COL9A3: variants seen among roughly 807,000 people sequenced by gnomAD.
The protein encoded by COL9A3 is collagen type IX alpha 3 chain, also known as collagen alpha-3(IX) chain.
A neutral mutation model predicts 110.2 loss-of-function variants in COL9A3; 82 were observed. The ratio of observed to expected loss-of-function variants is 0.74; its 90% CI spans 0.62 to 0.89. The LOEUF (loss-of-function observed/expected upper bound fraction) is 0.89, where lower values mean the gene tolerates loss of function less well. Ranked by LOEUF, COL9A3 falls within the 40% of genes least tolerant of loss-of-function variation. The pLI, the probability that COL9A3 is intolerant of heterozygous loss-of-function variation, is 0.00. For synonymous variants in COL9A3, 494 were observed against 403.8 expected (o/e 1.22, Z -2.68); for missense variants, 1,066 against 981.3 (o/e 1.09, Z -1.15).
rs1365279093 is a variant in COL9A3 at position 62,837,119 on chromosome 20, C to T, written c.1640C>T (p.Pro547Leu). The change falls in exon 30 of 32, where the codon CCT becomes CTT. Residue 547 changes from proline to leucine, a missense_variant. Coordinates refer to ENST00000649368, the MANE Select transcript of COL9A3 (RefSeq NM_001853.4). ...CAGTTAGCCGCGCACCTAAGGAAGC[C>T]TTTGGCACCCGGGTCCATTGGTCGG... is the stretch of plus-strand genomic sequence containing the variant. ...IAQLAAHLRK[P>L]LAPGSIGRPG... 1 of 1,613,540 alleles carries T rather than the reference C, an allele frequency of 6.2e-7. No homozygotes were observed. Among genetic ancestry groups the T allele is most frequent in the Non-Finnish European group, 8.5e-7 (1 of 1,180,020 alleles).
At chr20:62,823,955 C>T (rs1364160817) in intron 10 of COL9A3, among the ~76,000 whole-genome samples, 3 of 152,260 alleles carry the variant, frequency 2.0e-5, no homozygotes. Flanking sequence ...TGTCCCAGTG[C>T]CATCACCTGT....
intron 12 of COL9A3, chr20:62,825,559 G>A (rs2063545727): frequency 6.9e-6 from 4 of 580,666 alleles, no homozygotes; most frequent in East Asian, 2.9e-5. Context: ...GCTTGGCCAC[G>A]AGGAGGGGCC....
rs549757523 is a variant in COL9A3, at chr20:62,840,886, C to T, written c.*154C>T. On this transcript the variant is annotated 3_prime_UTR_variant, in exon 32 of 32. Transcript: ENST00000649368. The stretch of plus-strand genomic sequence containing the variant: ...TGGACGCGCGGGCCTTGCCAGCGAG[C>T]ACCCTCATCGGGCTGTCGCCTGACA... The T allele has an allele frequency of 3.3e-4, 259 of 791,402 alleles. No homozygotes were observed. The East Asian group carries it at 5.1e-3, about 16-fold the overall frequency. 49.0% of individuals were successfully genotyped at this position (791,402 alleles called of 1,614,324 possible).
Position 62,836,982 on chromosome 20 carries a change from G to C in COL9A3, c.1604-101G>C, listed in dbSNP as rs149241114. On this transcript the variant is annotated intron_variant, in intron 29 of 31. Coordinates refer to ENST00000649368, the MANE Select transcript of COL9A3 (RefSeq NM_001853.4). ...TTTCCATCAATCAGAAGGAAAACTT[G>C]CTTCTGGAAGACAGCACCGTGTAGA... The C allele has an allele frequency of 1.6e-3, 2,350 of 1,447,810 alleles. 27 individuals are homozygous for C. In the African/African-American group the frequency reaches 0.029, roughly 18 times the overall value. The allele number at this position is 1,447,810 out of a possible 1,614,324, so 89.7% of individuals were successfully genotyped here. A position where few individuals can be genotyped will look rare whatever the true frequency, so the allele number is the denominator to read the frequency against.
intron 11 of COL9A3, among the ~76,000 whole-genome samples, 153 bp from the exon 12 acceptor site, chr20:62,824,815 C>T (rs1028298348): frequency 6.6e-6 from 1 of 152,146 alleles, no homozygotes; most frequent in Non-Finnish European, 1.5e-5. Context: ...CCTCTCAGGC[C>T]TCAGTTTCCC....
chr20:62,840,966 G>C lies in COL9A3; in HGVS notation c.*234G>C, dbSNP rs953714097. On this transcript the variant is annotated 3_prime_UTR_variant, in exon 32 of 32. Coordinates refer to ENST00000649368, the MANE Select transcript of COL9A3 (RefSeq NM_001853.4). ...CCTGTAAGCCCAGCATTTGAGAGAA[G>C]GTAGGGTGTGTATATATAAAAGGTT... 2 of 556,522 alleles carry C rather than the reference G, an allele frequency of 3.6e-6. No homozygotes were observed. The highest frequency in any genetic ancestry group is 6.5e-6 in the Non-Finnish European group (2 of 307,192). 34.5% of individuals were successfully genotyped at this position (556,522 alleles called of 1,614,324 possible).
At chr20:62,837,791 A>G (rs2147230606) in intron 30 of COL9A3, among the ~76,000 whole-genome samples, 1 of 151,908 alleles carries the variant, frequency 6.6e-6, no homozygotes, top group East Asian at 1.9e-4. Flanking sequence ...TGGGCGACAG[A>G]GCGAGACTCC....
At position 62,819,269 on chromosome 20, in the gene COL9A3, G is replaced by A. The variant is rs551957370; in HGVS notation, c.231G>A (p.Gly77=). 41 of 1,612,128 alleles carry A rather than the reference G, an allele frequency of 2.5e-5. No homozygotes were observed. Among genetic ancestry groups the A allele is most frequent in the African/African-American group, 6.7e-5 (5 of 75,038 alleles). The change falls in exon 4 of 32, where the codon GGG becomes GGA. Residue 77 remains glycine (G), a synonymous_variant. Coordinates refer to ENST00000649368, the MANE Select transcript of COL9A3 (RefSeq NM_001853.4). Reference sequence around the variant, plus strand: ...AGCCGGGGAAACCAGGAGAGGCTGGGCTGCCGGGACTGCCGGGTGTGGATG... The same window carrying A: ...AGCCGGGGAAACCAGGAGAGGCTGGACTGCCGGGACTGCCGGGTGTGGATG... The part of the protein sequence containing the change: ...PGKPGKPGEA[G]LPGLPGVDGL...
chr20:62,838,854 C>A, intron 31 of COL9A3, 93 bp downstream of exon 31: 1 of 967,730 alleles, frequency 1.0e-6, no homozygotes, highest in Non-Finnish European at 1.6e-6. Context: ...ATGAATGGGT[C>A]TCTTTTCCTC....
intron 24 of COL9A3, 69 bp downstream of exon 24, chr20:62,830,657 CAT>C (rs1178215114): frequency 1.0e-5 from 9 of 896,778 alleles, no homozygotes; most frequent in East Asian, 8.9e-5. Flanking sequence ...CCCCCACCCC[CAT>C]GACAGTCCCC....
rs764550601 is a variant in COL9A3 at position 62,835,981 on chromosome 20, C to A, written c.1401+28C>A. On this transcript the variant is annotated intron_variant, in intron 27 of 31. Transcript: ENST00000649368. Reference sequence around the variant, plus strand: ...GAGTGCCCGGCGACTGTTCCGATGACACCATCCATGGGCGCCTGCTGGCTT... The same window carrying A: ...GAGTGCCCGGCGACTGTTCCGATGAAACCATCCATGGGCGCCTGCTGGCTT... 5 of 1,614,220 alleles carry A rather than the reference C, an allele frequency of 3.1e-6. No homozygotes were observed. The Admixed American group carries it at 5.0e-5, about 16-fold the overall frequency.
At chr20:62,830,335 C>G in intron 22 of COL9A3, 25 bp from the exon 23 acceptor site, 1 of 1,562,496 alleles carries the variant, frequency 6.4e-7, no homozygotes, top group Non-Finnish European at 8.7e-7. Flanking sequence ...GAGACATCCG[C>G]TCACACCTCA....
rs560129831 is a variant in COL9A3 at position 62,840,402 on chromosome 20, C to T, written c.1865-140C>T. The stretch of plus-strand genomic sequence containing the variant: ...GGAGAGCCTTTGTGTGCCGTTCCCT[C>T]GGCCTCCCCACCCGCTGTGGCCTCT... On this transcript the variant is annotated intron_variant, in intron 31 of 31. Transcript: ENST00000649368. 58 of 831,786 alleles carry T rather than the reference C, an allele frequency of 7.0e-5. 1 individual carries two copies. In the East Asian group the frequency reaches 7.1e-4, roughly 10 times the overall value. 51.5% of individuals were successfully genotyped at this position (831,786 alleles called of 1,614,324 possible).
At position 62,819,404 on chromosome 20, in the gene COL9A3, G is replaced by C; in HGVS notation, c.255+111G>C. 2.8e-6 allele frequency: 3 copies of C among 1,077,454 alleles called. No homozygotes were observed. In the South Asian group the frequency reaches 4.0e-5, roughly 14 times the overall value. The allele number at this position is 1,077,454 out of a possible 1,614,324, so 66.7% of individuals were successfully genotyped here. A position where few individuals can be genotyped will look rare whatever the true frequency, so the allele number is the denominator to read the frequency against. ...TGGGCCTGCTCAGGCGGGAAGCCCA[G>C]TCCTGAGAGAAGTCTCCAGAAGTCC... is the stretch of plus-strand genomic sequence containing the variant. On this transcript the variant is annotated intron_variant, in intron 4 of 31. Transcript: ENST00000649368.
chr20:62,817,838 G>GT, intron 2 of COL9A3: 1 of 679,974 alleles, frequency 1.5e-6, no homozygotes, highest in Non-Finnish European at 2.8e-6. Flanking sequence ...GGTGTCATGT[G>GT]GTGGTCCTCC....
At chr20:62,836,110 G>T in intron 27 of COL9A3, 77 bp from the exon 28 acceptor site, 1 of 1,604,520 alleles carries the variant, frequency 6.2e-7, no homozygotes, top group Non-Finnish European at 8.5e-7. Context: ...GCTCCGTGCC[G>T]GCTGGGAAAG....
At chr20:62,818,575 G>A (rs1568747188) in intron 3 of COL9A3, 22 bp downstream of exon 3, 1 of 1,610,368 alleles carries the variant, frequency 6.2e-7, no homozygotes, top group African/African-American at 1.3e-5. Context: ...TGGCTGGGGA[G>A]ACAGCCTTTT....
At chr20:62,824,895 C>T (rs2063538111) in intron 11 of COL9A3, 73 bp from the exon 12 acceptor site, 2 of 1,467,624 alleles carry the variant, frequency 1.4e-6, no homozygotes, top group African/African-American at 2.8e-5. Context: ...ACCCTGCAGG[C>T]CTCACTTCAG....
At chr20:62,820,813 C>T (rs1308722572) in intron 5 of COL9A3, among the ~76,000 whole-genome samples, 1 of 152,134 alleles carries the variant, frequency 6.6e-6, no homozygotes, top group Non-Finnish European at 1.5e-5. Flanking sequence ...GCCTGGCTGC[C>T]CAAGGCTCTG....
Sources: gnomAD v4.1 joint callset for allele counts (sites outside exome capture counted in the v4.1 genomes callset) on GRCh38, gnomAD v4.1.1 for gene constraint, MANE v1.5 for transcripts, NCBI Gene and HGNC (gene_info 2026-07-23, HGNC 2026-07-21) for gene names.